COL11A1: variants seen among roughly 807,000 people sequenced by gnomAD.
The protein encoded by COL11A1 is collagen type XI alpha 1 chain.
In COL11A1, 74 loss-of-function variants were observed where a neutral mutation model predicts 265.2. The ratio of observed to expected loss-of-function variants is 0.28; its 90% CI spans 0.23 to 0.34. The LOEUF (loss-of-function observed/expected upper bound fraction) is 0.34, where lower values mean the gene tolerates loss of function less well. COL11A1 is among the 10% of genes least tolerant of loss of function. The pLI is 1.00. For synonymous variants in COL11A1, 816 were observed against 727.6 expected, an observed-to-expected ratio of 1.12 and a Z score of -1.96; for missense variants, 2,165 against 2,263.6, an observed-to-expected ratio of 0.96 and a Z score of 0.88.
chr1:102,992,494 T>A (rs190095360), intron 28 of COL11A1, among the ~76,000 whole-genome samples: 2 of 152,046 alleles, frequency 1.3e-5, no homozygotes, highest in East Asian at 3.9e-4. Context: ...TTTTCTTCTA[T>A]CTCGTAAGAG....
chr1:102,914,174 G>A (rs1040167086), intron 52 of COL11A1, among the ~76,000 whole-genome samples, 178 bp downstream of exon 52: 2 of 152,124 alleles, frequency 1.3e-5, no homozygotes, highest in Admixed American at 6.5e-5. Context: ...CTTAGTGTTG[G>A]TGCAATAGTC....
intron 8 of COL11A1, among the ~76,000 whole-genome samples, chr1:103,022,298 A>T (rs1667159430): frequency 6.6e-6 from 1 of 152,160 alleles, no homozygotes. Flanking sequence ...ATTAATACTG[A>T]ATCTTAAAAT....
intron 57 of COL11A1, among the ~76,000 whole-genome samples, chr1:102,895,647 A>G (rs951772122): frequency 1.3e-5 from 2 of 151,982 alleles, no homozygotes; most frequent in African/African-American, 2.4e-5. Flanking sequence ...AGAAACCTCT[A>G]TGAATTTCCA....
chr1:103,031,318 C>T (rs918254922), intron 4 of COL11A1, 74 bp from the exon 5 acceptor site: 67 of 1,507,450 alleles, frequency 4.4e-5, no homozygotes, highest in South Asian at 9.6e-5. Flanking sequence ...TATACCAAAG[C>T]GAGATGTGGT....
At chr1:102,892,348 C>G (rs1651880182) in intron 57 of COL11A1, among the ~76,000 whole-genome samples, 1 of 152,136 alleles carries the variant, frequency 6.6e-6, no homozygotes, top group African/African-American at 2.4e-5. Flanking sequence ...TCTGGAAACA[C>G]TATTTCTTCA....
chr1:102,886,817 G>T lies in COL11A1; in HGVS notation c.4848C>A (p.Asp1616Glu), dbSNP rs2100839539. ...TCKDLQLSHPDFPDGEYWIDP... is the reference protein window; with the variant it reads ...TCKDLQLSHPEFPDGEYWIDP... Reference sequence around the variant, plus strand: ...GTATTATTTACATACCATCTGGGAAGTCAGGATGGCTGAGTTGCAGGTCTT... The same window carrying T: ...GTATTATTTACATACCATCTGGGAATTCAGGATGGCTGAGTTGCAGGTCTT... The change falls in exon 63 of 67, where the codon GAC (aspartate) becomes GAA (glutamate). Residue 1616 changes from aspartate to glutamate, a missense_variant. By Grantham distance (45) the Asp-to-Glu change is conservative. Transcript: ENST00000370096. 6.2e-7 allele frequency: 1 copy of T among 1,613,902 alleles called. No homozygotes were observed. Among genetic ancestry groups the T allele is most frequent in the Non-Finnish European group, 8.5e-7 (1 of 1,179,820 alleles).
rs577613981 is a variant in COL11A1 at position 103,099,859 on chromosome 1, A to T, written c.106+8214T>A. 2.4e-3 allele frequency among the ~76,000 whole-genome samples: 362 copies of T among 152,044 alleles called. 2 individuals carry two copies. Among genetic ancestry groups the T allele is most frequent in the African/African-American group, 8.5e-3 (351 of 41,520 alleles). On this transcript the variant is annotated intron_variant, in intron 1 of 66. Transcript: ENST00000370096. ...TTATTTACTTTTAGCAAATGAATTT[A>T]AAAAAGAGGAGTCACTACTCATGTC...
At chr1:103,014,747 T>C (rs1220499819) in intron 12 of COL11A1, among the ~76,000 whole-genome samples, 153 bp from the exon 13 acceptor site, 1 of 152,152 alleles carries the variant, frequency 6.6e-6, no homozygotes, top group Non-Finnish European at 1.5e-5. Flanking sequence ...ATCTAGTTTG[T>C]ATTGTTTTTG....
At chr1:103,093,025 G>T (rs893451076) in intron 1 of COL11A1, among the ~76,000 whole-genome samples, 5 of 151,902 alleles carry the variant, frequency 3.3e-5, no homozygotes, top group African/African-American at 1.2e-4. Flanking sequence ...GGAAATCCAT[G>T]AATCCATCAC....
At chr1:102,979,267 G>T in intron 32 of COL11A1, 115 bp downstream of exon 32, 1 of 1,215,776 alleles carries the variant, frequency 8.2e-7, no homozygotes, top group Non-Finnish European at 1.2e-6. Flanking sequence ...GGAACTCCGG[G>T]ATTCAAGCAA....
In COL11A1 at chr1:102,962,736, T is replaced by C. The variant is rs2101576703; in HGVS notation, c.2941A>G (p.Ile981Val). The change falls in exon 39 of 67, where the codon ATA becomes GTA. Residue 981 changes from isoleucine to valine, a missense_variant. Transcript: ENST00000370096. ...GGGCCAGGATGCCCACGTTCCCCTA[T>C]TGGACCAGTCTCACCGGTTGGTCCC... Reference protein sequence around the residue: ...PQGPTGETGPIGERGHPGPPG... With the variant: ...PQGPTGETGPVGERGHPGPPG... 6.2e-7 allele frequency: 1 copy of C among 1,614,154 alleles called. No homozygotes were observed. The highest frequency in any genetic ancestry group is 8.5e-7 in the Non-Finnish European group (1 of 1,179,998).
intron 4 of COL11A1, among the ~76,000 whole-genome samples, chr1:103,069,914 G>A (rs181510500): frequency 5.9e-4 from 89 of 151,920 alleles, no homozygotes; most frequent in African/African-American, 2.1e-3. Context: ...TCAGAGGTTG[G>A]CAAGGAGACA....
Position 103,015,716 on chromosome 1 carries a change from T to C in COL11A1, c.1440A>G (p.Pro480=). 6.2e-7 allele frequency: 1 copy of C among 1,608,262 alleles called. No individual in the cohort carries two copies. The highest frequency in any genetic ancestry group is 8.5e-7 in the Non-Finnish European group (1 of 1,176,896). Residue 480 remains proline, a synonymous_variant, in exon 12 of 67, where the codon CCA becomes CCG. Coordinates refer to ENST00000370096, the MANE Select transcript of COL11A1 (RefSeq NM_001854.4). ...GAGGACCAGGTAGACCATCAGCCCC[T>C]GGTAAGCCAGGACGTCCTGGGGGGC... ...DRGPPGRPGL[P]GADGLPGPPG... is the part of the protein sequence containing the mutation.
chr1:103,090,605 A>G (rs1435585923), intron 1 of COL11A1, among the ~76,000 whole-genome samples: 1 of 152,212 alleles, frequency 6.6e-6, no homozygotes, highest in Non-Finnish European at 1.5e-5. Context: ...TGGATAAGCT[A>G]TTTACCTCTC....
chr1:102,921,529 T>G lies in COL11A1; in HGVS notation c.3697A>C (p.Asn1233His). The G allele has an allele frequency of 6.2e-7, 1 of 1,613,326 alleles. No homozygotes were observed. The highest frequency in any genetic ancestry group is 8.5e-7 in the Non-Finnish European group (1 of 1,179,432). Residue 1233 changes from asparagine to histidine, a missense_variant, in exon 48 of 67, where the codon AAT becomes CAT. Asn to His is a moderately conservative substitution (Grantham distance 68). Coordinates refer to ENST00000370096, the MANE Select transcript of COL11A1 (RefSeq NM_001854.4). The stretch of plus-strand genomic sequence containing the variant: ...TTCAGAGTTCTTACATCAGCTCCAT[T>G]GGGACCTTGAGGGCCTCTTGGGCCT... Reference protein sequence around the residue: ...PPGPRGPQGPNGADGPQGPPG... With the variant: ...PPGPRGPQGPHGADGPQGPPG...
rs554288061 is a variant in COL11A1 at position 102,996,947 on chromosome 1, G to A, written c.2241+133C>T. The A allele has an allele frequency of 3.5e-5, 26 of 744,920 alleles. No homozygotes were observed. In the African/African-American group the frequency reaches 4.6e-4, roughly 13 times the overall value. 46.1% of individuals were successfully genotyped at this position (744,920 alleles called of 1,614,324 possible). ...TAAAATTACTGATATAAAATTAAAA[G>A]TAGTCTAAGATATCTTTTTTATACC... On this transcript the variant is annotated intron_variant, in intron 26 of 66. Coordinates refer to ENST00000370096, the MANE Select transcript of COL11A1 (RefSeq NM_001854.4).
In COL11A1 at chr1:102,957,847, G is replaced by GA. The variant is rs891889221; in HGVS notation, c.3168+4018dup. On this transcript the variant is annotated intron_variant, in intron 41 of 66. Coordinates refer to ENST00000370096, the MANE Select transcript of COL11A1 (RefSeq NM_001854.4). ...TCTTTAAATATGGAATGGTAAAATA[G>GA]AAAAAAAAAATCTACCATTCCAAGT... 7.8e-3 allele frequency among the ~76,000 whole-genome samples: 1,149 copies of GA among 146,564 alleles called. 16 individuals carry two copies. The highest frequency in any genetic ancestry group is 0.027 in the African/African-American group (1,072 of 40,150).
At chr1:103,015,923 G>A (rs748700160) in intron 11 of COL11A1, among the ~76,000 whole-genome samples, 181 bp from the exon 12 acceptor site, 33 of 151,920 alleles carry the variant, frequency 2.2e-4, no homozygotes, top group Non-Finnish European at 3.5e-4. Context: ...AGTTTTAGAT[G>A]ATTTTAATAA....
intron 36 of COL11A1, among the ~76,000 whole-genome samples, chr1:102,972,744 T>C (rs1030077000): frequency 3.3e-5 from 5 of 152,168 alleles, no homozygotes; most frequent in Non-Finnish European, 7.4e-5. Context: ...AGAAAATCTG[T>C]GAAAACTTGT....
Sources: gnomAD v4.1 joint callset for allele counts (sites outside exome capture counted in the v4.1 genomes callset) on GRCh38, gnomAD v4.1.1 for gene constraint, MANE v1.5 for transcripts, NCBI Gene and HGNC (gene_info 2026-07-23, HGNC 2026-07-21) for gene names.